Variants in ERG observed in about 807,000 individuals in gnomAD.
The protein encoded by ERG is transcriptional regulator ERG.
In ERG, 9 loss-of-function variants were observed where a neutral mutation model predicts 55.3. The ratio of observed to expected loss-of-function variants is 0.16; its 90% CI spans 0.10 to 0.28. ERG has a LOEUF of 0.28. Among genes scored for constraint, ERG ranks in the 10% least tolerant of loss-of-function variants. The probability of loss-of-function intolerance (pLI) is 1.00; values close to 1 mark genes in which losing one functional copy is unlikely to be tolerated. For missense variants in ERG, 434 were observed against 631.6 expected (o/e 0.69, Z 3.35); for synonymous variants, 223 against 237.3 (o/e 0.94, Z 0.55).
chr21:38,604,459 G>A (rs886749290), intron 1 of ERG, among the ~76,000 whole-genome samples: 1 of 152,028 alleles, frequency 6.6e-6, no homozygotes, highest in Non-Finnish European at 1.5e-5. Context: ...CACAAGGGTG[G>A]TATAATTGAG....
At chr21:38,542,295 T>G (rs2059759039) in intron 2 of ERG, among the ~76,000 whole-genome samples, 1 of 152,304 alleles carries the variant, frequency 6.6e-6, no homozygotes, top group African/African-American at 2.4e-5. Flanking sequence ...GCCTATGCAC[T>G]GTTAATTTTA....
intron 1 of ERG, among the ~76,000 whole-genome samples, chr21:38,598,608 G>C (rs1439572454): frequency 6.6e-6 from 1 of 152,128 alleles, no homozygotes; most frequent in Non-Finnish European, 1.5e-5. Context: ...CTCTAAAAAA[G>C]GATGCCCGCA....
intron 1 of ERG, among the ~76,000 whole-genome samples, chr21:38,646,498 C>T (rs1021553588): frequency 2.0e-5 from 3 of 152,150 alleles, no homozygotes; most frequent in Non-Finnish European, 4.4e-5. Context: ...GTTTCACACA[C>T]TTCTTTCCCT....
chr21:38,632,531 G>T (rs1490569520), intron 1 of ERG, among the ~76,000 whole-genome samples: 1 of 152,136 alleles, frequency 6.6e-6, no homozygotes, highest in East Asian at 1.9e-4. Context: ...ATGAGAGCAG[G>T]TCTTTCCTGT....
chr21:38,604,347 A>C, intron 1 of ERG, among the ~76,000 whole-genome samples: 1 of 152,146 alleles, frequency 6.6e-6, no homozygotes, highest in East Asian at 1.9e-4. Context: ...TATATACATG[A>C]AAACATCTAT....
intron 1 of ERG, among the ~76,000 whole-genome samples, chr21:38,489,105 T>C (rs779405719): frequency 6.6e-6 from 1 of 152,250 alleles, no homozygotes; most frequent in Non-Finnish European, 1.5e-5. Flanking sequence ...GTGTAGGAAG[T>C]GAACGCAGGA....
intron 1 of ERG, among the ~76,000 whole-genome samples, chr21:38,599,823 T>C (rs940862257): frequency 1.3e-5 from 2 of 152,190 alleles, no homozygotes; most frequent in African/African-American, 4.8e-5. Context: ...ACTTGAGGCA[T>C]GAGTTTGGAG....
At chr21:38,405,373 G>C (rs1988715819) in intron 3 of ERG, among the ~76,000 whole-genome samples, 1 of 152,112 alleles carries the variant, frequency 6.6e-6, no homozygotes, top group Admixed American at 6.5e-5. Context: ...AATTTATTTA[G>C]TGAATGTCCC....
chr21:38,395,511 CT>C (rs1213387740), intron 6 of ERG: 1 of 206,050 alleles, frequency 4.9e-6, no homozygotes, highest in African/African-American at 2.3e-5. Flanking sequence ...AACTCATATG[CT>C]TGGCAGAAGT....
downstream of ERG, among the ~76,000 whole-genome samples, chr21:38,378,819 C>A (rs905466203): frequency 1.3e-5 from 2 of 152,222 alleles, no homozygotes; most frequent in Non-Finnish European, 2.9e-5. Flanking sequence ...GGCAAAATAG[C>A]TTAAGATTAA....
At chr21:38,560,447 C>A (rs145145119) in intron 2 of ERG, among the ~76,000 whole-genome samples, 7 of 152,272 alleles carry the variant, frequency 4.6e-5, no homozygotes, top group African/African-American at 1.7e-4. Context: ...CTGCCCAACC[C>A]GGGGCCCCTC....
intron 1 of ERG, among the ~76,000 whole-genome samples, chr21:38,649,861 C>T (rs1393104079): frequency 1.3e-5 from 2 of 152,206 alleles, no homozygotes; most frequent in South Asian, 2.1e-4. Flanking sequence ...TTTGTCCTTA[C>T]GTGACCCTAC....
chr21:38,369,456 A>G, the ERG span, among the ~76,000 whole-genome samples: 131 of 152,082 alleles, frequency 8.6e-4, 2 homozygotes, highest in Non-Finnish European at 3.8e-4. Context: ...CTCACTTTTT[A>G]CAAGGGTTGT....
intron 2 of ERG, among the ~76,000 whole-genome samples, chr21:38,438,953 A>G (rs2058816018): frequency 6.6e-6 from 1 of 152,228 alleles, no homozygotes; most frequent in African/African-American, 2.4e-5. Context: ...CGCATCTCAA[A>G]CAAGCTCCCA....
intron 2 of ERG, among the ~76,000 whole-genome samples, chr21:38,528,684 A>G (rs1302455388): frequency 7.4e-6 from 1 of 135,096 alleles, no homozygotes; most frequent in Non-Finnish European, 1.6e-5. Flanking sequence ...TCCTGACCTC[A>G]TGATCCACCC....
chr21:38,413,158 C>A (rs1219979468), intron 3 of ERG, among the ~76,000 whole-genome samples: 1 of 152,172 alleles, frequency 6.6e-6, no homozygotes, highest in Non-Finnish European at 1.5e-5. Flanking sequence ...AACCAGGTGT[C>A]AACATAAGAA....
At chr21:38,557,049 C>G (rs2059862840) in intron 2 of ERG, among the ~76,000 whole-genome samples, 1 of 152,128 alleles carries the variant, frequency 6.6e-6, no homozygotes, top group African/African-American at 2.4e-5. Flanking sequence ...GTTCTGCCAC[C>G]TCCACCGTGT....
chr21:38,541,687 G>A (rs1166024297), intron 2 of ERG, among the ~76,000 whole-genome samples: 1 of 152,224 alleles, frequency 6.6e-6, no homozygotes, highest in South Asian at 2.1e-4. Flanking sequence ...TAAAATATAT[G>A]TAGGATAAAT....
At chr21:38,406,158 A>G in intron 3 of ERG, among the ~76,000 whole-genome samples, 1 of 26,848 alleles carries the variant, frequency 3.7e-5, no homozygotes, top group Admixed American at 2.6e-4. Flanking sequence ...CCATCTCAAA[A>G]AAAAAAAAAA....
Sources: allele counts gnomAD v4.1 joint callset (sites outside exome capture counted in the v4.1 genomes callset), GRCh38; gene constraint gnomAD v4.1.1; transcripts MANE v1.5; gene names NCBI Gene and HGNC (gene_info 2026-07-23, HGNC 2026-07-21).